The following VGF variants were observed in gnomAD, a reference collection of about 807,000 sequenced individuals.
The protein encoded by VGF is neurosecretory protein VGF.
In VGF, 13 loss-of-function variants were observed where a neutral mutation model predicts 41.1. The observed-to-expected ratio is 0.32, with a 90% CI of 0.21 to 0.50. The LOEUF (loss-of-function observed/expected upper bound fraction) is 0.50. Among genes scored for constraint, VGF ranks in the 20% least tolerant of loss-of-function variants. VGF has a pLI of 0.98. For missense variants in VGF, 920 were observed against 882.1 expected (o/e 1.04, Z -0.54); for synonymous variants, 473 against 418.3 (o/e 1.13, Z -1.60).
At chr7:101,164,917 T>C in intron 1 of VGF, 54 bp from the exon 2 acceptor site, 1 of 1,461,928 alleles carries the variant, frequency 6.8e-7, no homozygotes, top group South Asian at 1.5e-5. Context: ...TTCCCCTCTC[T>C]AGGTCTACGT....
At position 101,162,935 on chromosome 7, in the gene VGF, GA is replaced by G; in HGVS notation, c.*60del. ...ACACCGAGGGGGAGCGGGCAACACG[GA>G]GGGGGGCGCCGGCGCGCGCGCGCGG... On this transcript the variant is annotated 3_prime_UTR_variant, in exon 2 of 2. Transcript: ENST00000249330. The surrounding 1 kb of genome is among the most constrained non-coding windows in gnomAD (Gnocchi z 4.2). 1 of 822,512 alleles carries G rather than the reference GA, an allele frequency of 1.2e-6. No individual in the cohort carries two copies. Among genetic ancestry groups the G allele is most frequent in the Non-Finnish European group, 1.7e-6 (1 of 593,342 alleles). 51.0% of individuals were successfully genotyped at this position (822,512 alleles called of 1,614,324 possible). A position where few individuals can be genotyped will look rare whatever the true frequency, so the allele number is the denominator to read the frequency against.
chr7:101,163,119 G>C lies in VGF; in HGVS notation c.1725C>G (p.His575Gln). Reference protein sequence around the residue: ...HYHHALPPSRHYPGREAQARR... With the variant: ...HYHHALPPSRQYPGREAQARR... ...GCGCCTGGGCCTCCCGGCCGGGATA[G>C]TGGCGCGAAGGCGGCAAGGCGTGGT... The change falls in exon 2 of 2, where the codon CAC becomes CAG. Residue 575 changes from histidine (H) to glutamine (Q), a missense_variant. Around this residue, in one of 3 missense-constraint regions of VGF, gnomAD observed 257 missense variants for 217.2 expected, o/e 1.18. Transcript: ENST00000249330. This position sits in a 1 kb window ranked among gnomAD's most constrained non-coding sequence, Gnocchi z 5.0. 1 of 1,584,370 alleles carries C rather than the reference G, an allele frequency of 6.3e-7. No homozygotes were observed. The highest frequency in any genetic ancestry group is 1.4e-5 in the African/African-American group (1 of 71,266).
chr7:101,164,971 T>G, intron 1 of VGF, 108 bp from the exon 2 acceptor site: 1 of 1,411,866 alleles, frequency 7.1e-7, no homozygotes, highest in Non-Finnish European at 9.3e-7. Context: ...GCTTCCCTGA[T>G]CCCCCAAACC....
chr7:101,164,219 A>C lies in VGF; in HGVS notation c.625T>G (p.Ser209Ala), dbSNP rs754156177. ...SPGPERVWRASWGEFQARVPE... is the reference protein window; with the variant it reads ...SPGPERVWRAAWGEFQARVPE... Reference sequence around the variant, plus strand: ...ACACGCGCCTGGAACTCTCCCCAGGAAGCGCGCCATACGCGCTCTGGCCCC... The same window carrying C: ...ACACGCGCCTGGAACTCTCCCCAGGCAGCGCGCCATACGCGCTCTGGCCCC... The change falls in exon 2 of 2, where the codon TCC becomes GCC. Residue 209 changes from serine to alanine, a missense_variant. Coordinates refer to ENST00000249330, the MANE Select transcript of VGF (RefSeq NM_003378.4). 8 of 1,567,462 alleles carry C rather than the reference A, an allele frequency of 5.1e-6. No individual in the cohort carries two copies. In the Admixed American group the frequency reaches 1.2e-4, roughly 24 times the overall value.
In VGF at chr7:101,163,782, C is replaced by G; in HGVS notation, c.1062G>C (p.Ala354=). Residue 354 remains alanine, a synonymous_variant, in exon 2 of 2, where the codon GCG becomes GCC. Coordinates refer to ENST00000249330, the MANE Select transcript of VGF (RefSeq NM_003378.4). This position sits in a 1 kb window ranked among gnomAD's most constrained non-coding sequence, Gnocchi z 5.0. ...RGLGGRGLQE[A]AEERESAREE... is the part of the protein sequence containing the mutation. ...CCCTTGCACTCTCTCGCTCCTCCGC[C>G]GCCTCCTGCAGCCCCCGACCCCCGA... The G allele has an allele frequency of 6.5e-7, 1 of 1,531,628 alleles. No individual in the cohort carries two copies. The highest frequency in any genetic ancestry group is 1.4e-5 in the African/African-American group (1 of 73,106). 94.9% of individuals were successfully genotyped at this position (1,531,628 alleles called of 1,614,324 possible). A position where few individuals can be genotyped will look rare whatever the true frequency, so the allele number is the denominator to read the frequency against.
chr7:101,163,723 C>A lies in VGF; in HGVS notation c.1121G>T (p.Gly374Val). The A allele has an allele frequency of 6.5e-7, 1 of 1,535,510 alleles. No homozygotes were observed. Among genetic ancestry groups the A allele is most frequent in the East Asian group, 2.4e-5 (1 of 40,920 alleles). ...EEEAEQERRG[G>V]EERVGEEDEE... ...ATCCTCTTCCCCCACCCTCTCCTCC[C>A]CGCCGCGTCTCTCCTGCTCCGCCTC... is the stretch of plus-strand genomic sequence containing the variant. Residue 374 changes from glycine to valine, a missense_variant, in exon 2 of 2, where the codon GGG becomes GTG. This residue lies in a region of VGF where 654 missense variants were observed against 638.4 expected (regional missense o/e 1.02). Transcript: ENST00000249330. This position sits in a 1 kb window ranked among gnomAD's most constrained non-coding sequence, Gnocchi z 5.0.
Position 101,162,819 on chromosome 7 carries a change from C to G in VGF, c.*177G>C, listed in dbSNP as rs1344502331. The G allele has an allele frequency of 3.0e-6, 2 of 660,634 alleles. No individual in the cohort carries two copies. The highest frequency in any genetic ancestry group is 5.5e-6 in the Non-Finnish European group (2 of 360,524). The allele number at this position is 660,634 out of a possible 1,614,324, so 40.9% of individuals were successfully genotyped here. ...CACCCGCGGGTGAGCTCTGGGAGTT[C>G]GGGCTCAGGACCCGGGAGGGGGGTC... On this transcript the variant is annotated 3_prime_UTR_variant, in exon 2 of 2. Coordinates refer to ENST00000249330, the MANE Select transcript of VGF (RefSeq NM_003378.4). The surrounding 1 kb of genome is among the most constrained non-coding windows in gnomAD (Gnocchi z 4.2).
Position 101,163,608 on chromosome 7 carries a change from T to C in VGF, c.1236A>G (p.Glu412=), listed in dbSNP as rs777061682. The C allele has an allele frequency of 3.3e-5, 52 of 1,552,826 alleles. No homozygotes were observed. The highest frequency in any genetic ancestry group is 4.3e-5 in the Non-Finnish European group (50 of 1,151,148). ...ALLFAEEEDG[E]AGAEDKRSQE... is the part of the protein sequence containing the mutation. ...GGGAGCGCTTGTCCTCGGCGCCGGC[T>C]TCCCCGTCCTCCTCCTCCGCGAACA... The change falls in exon 2 of 2, where the codon GAA becomes GAG. Residue 412 remains glutamate, a synonymous_variant. Coordinates refer to ENST00000249330, the MANE Select transcript of VGF (RefSeq NM_003378.4). The surrounding 1 kb of genome is among the most constrained non-coding windows in gnomAD (Gnocchi z 5.0).
Position 101,164,483 on chromosome 7 carries a change from T to A in VGF, c.361A>T (p.Ser121Cys), listed in dbSNP as rs776367894. 1 of 1,602,046 alleles carries A rather than the reference T, an allele frequency of 6.2e-7. No homozygotes were observed. The highest frequency in any genetic ancestry group is 8.5e-7 in the Non-Finnish European group (1 of 1,178,952). Residue 121 changes from serine (S) to cysteine (C), a missense_variant, in exon 2 of 2, where the codon AGC becomes TGC. Coordinates refer to ENST00000249330, the MANE Select transcript of VGF (RefSeq NM_003378.4). ...GGCGCCGGGAGGCTGTGGGTCTGGC[T>A]GCGCACGGTCTCGGTCAGCAGAGCT... ...AEALLTETVR[S>C]QTHSLPAPES... is the part of the protein sequence containing the mutation.
upstream of VGF, among the ~76,000 whole-genome samples, chr7:101,167,386 G>T (rs56194085): frequency 0.15 from 22,514 of 151,136 alleles, 1,760 homozygotes; most frequent in South Asian, 0.18. This position sits in a 1 kb window ranked among gnomAD's most constrained non-coding sequence, Gnocchi z 4.2. Context: ...TCCAAAGAAA[G>T]GAGGGAAAAG....
chr7:101,166,164 G>A (rs1314779101), upstream of VGF, among the ~76,000 whole-genome samples: 1 of 152,222 alleles, frequency 6.6e-6, no homozygotes, highest in East Asian at 1.9e-4. Context: ...GCCTGCGGGC[G>A]CTGTCCGCGA....
upstream of VGF, among the ~76,000 whole-genome samples, chr7:101,166,783 G>C (rs1414911839): frequency 8.3e-6 from 1 of 120,892 alleles, no homozygotes; most frequent in Admixed American, 8.5e-5. Flanking sequence ...GGGTGGGGGG[G>C]AGGACGGAAA....
rs1318021589 is a variant in VGF at position 101,162,964 on chromosome 7, G to C, written c.*32C>G. The C allele has an allele frequency of 8.5e-7, 1 of 1,170,154 alleles. No individual in the cohort carries two copies. The highest frequency in any genetic ancestry group is 1.1e-6 in the Non-Finnish European group (1 of 907,378). 72.5% of individuals were successfully genotyped at this position (1,170,154 alleles called of 1,614,324 possible). On this transcript the variant is annotated 3_prime_UTR_variant, in exon 2 of 2. Transcript: ENST00000249330. The surrounding 1 kb of genome is among the most constrained non-coding windows in gnomAD (Gnocchi z 4.2). ...GGGGCGCCGGCGCGCGCGCGCGGCG[G>C]GGGCGCGCGGGGGCGGGACCGGGAA...
chr7:101,166,407 G>C (rs1409285703), upstream of VGF, among the ~76,000 whole-genome samples: 1 of 151,858 alleles, frequency 6.6e-6, no homozygotes, highest in Non-Finnish European at 1.5e-5. Flanking sequence ...TGCCCCCTTC[G>C]GCCCATCTCT....
chr7:101,163,056 CCGG>C lies in VGF; in HGVS notation c.1785_1787del (p.Arg596del). On this transcript the variant is annotated inframe_deletion, in exon 2 of 2. Coordinates refer to ENST00000249330, the MANE Select transcript of VGF (RefSeq NM_003378.4). This position sits in a 1 kb window ranked among gnomAD's most constrained non-coding sequence, Gnocchi z 5.0. ...TCTCCAGCTCCTCCTGCTCCTGCAG[CCGG>C]CGCTCCTCCGCCTCCGCCTCCTCCT... is the stretch of plus-strand genomic sequence containing the variant. 6.4e-7 allele frequency: 1 copy of C among 1,571,818 alleles called. No individual in the cohort carries two copies. The highest frequency in any genetic ancestry group is 8.6e-7 in the Non-Finnish European group (1 of 1,163,790).
At position 101,164,878 on chromosome 7, in the gene VGF, G is replaced by A. The variant is rs977541687; in HGVS notation, c.-20-15C>T. ...GCTGCCGGAGACTGAAAAATAGAAGGGACCAAAAAAAGAGGATTTCTGTAA... is the reference window on the plus strand; with the variant it reads ...GCTGCCGGAGACTGAAAAATAGAAGAGACCAAAAAAAGAGGATTTCTGTAA... On this transcript the variant is annotated splice_polypyrimidine_tract_variant and intron_variant, in intron 1 of 1. Transcript: ENST00000249330. The A allele has an allele frequency of 6.6e-7, 1 of 1,516,286 alleles. No homozygotes were observed. Among genetic ancestry groups the A allele is most frequent in the Admixed American group, 2.3e-5 (1 of 44,382 alleles). 93.9% of individuals were successfully genotyped at this position (1,516,286 alleles called of 1,614,324 possible). A position where few individuals can be genotyped will look rare whatever the true frequency, so the allele number is the denominator to read the frequency against.
Position 101,165,503 on chromosome 7 carries a change from C to T in VGF, c.-150G>A, listed in dbSNP as rs1234127820. 2.0e-6 allele frequency: 2 copies of T among 985,346 alleles called. No homozygotes were observed. Among genetic ancestry groups the T allele is most frequent in the African/African-American group, 1.7e-5 (1 of 57,244 alleles). 61.0% of individuals were successfully genotyped at this position (985,346 alleles called of 1,614,324 possible). A position where few individuals can be genotyped will look rare whatever the true frequency, so the allele number is the denominator to read the frequency against. On this transcript the variant is annotated 5_prime_UTR_variant, in exon 1 of 2. Coordinates refer to ENST00000249330, the MANE Select transcript of VGF (RefSeq NM_003378.4). ...GGAGCGACGGTCGAGGTCTGGCGTCCCGTGGGCTGGGCTCAGCTGGGTCGG... is the reference window on the plus strand; with the variant it reads ...GGAGCGACGGTCGAGGTCTGGCGTCTCGTGGGCTGGGCTCAGCTGGGTCGG...
chr7:101,164,525 C>G lies in VGF; in HGVS notation c.319G>C (p.Glu107Gln), dbSNP rs34680114. 1.8e-3 allele frequency: 2,833 copies of G among 1,599,190 alleles called. 32 individuals carry two copies. The African/African-American group carries it at 0.031, about 17-fold the overall frequency. Residue 107 changes from glutamate (E) to glutamine (Q), a missense_variant, in exon 2 of 2, where the codon GAG becomes CAG. Around this residue, in one of 3 missense-constraint regions of VGF, gnomAD observed 654 missense variants for 638.4 expected, o/e 1.02. Coordinates refer to ENST00000249330, the MANE Select transcript of VGF (RefSeq NM_003378.4). ...AGCAGAGCTTCAGCTGCTTCTTCCT[C>G]CGGCCCCTGCTGGGAGCCGCTTGGT... ...PAPSGSQQGP[E>Q]EEAAEALLTE...
Position 101,164,129 on chromosome 7 carries a change from C to G in VGF, c.715G>C (p.Gly239Arg). Residue 239 changes from glycine (G) to arginine (R), a missense_variant, in exon 2 of 2, where the codon GGG becomes CGG. By Grantham distance (125) the Gly-to-Arg change is moderately radical (BLOSUM62 -2). This residue lies in a region of VGF where 654 missense variants were observed against 638.4 expected (regional missense o/e 1.02). Coordinates refer to ENST00000249330, the MANE Select transcript of VGF (RefSeq NM_003378.4). ...SQFQARMPDS[G>R]PLPETHKFGE... is the part of the protein sequence containing the mutation. ...AACTTGTGGGTTTCGGGAAGGGGCCCGCTGTCGGGCATACGCGCCTGGAAT... is the reference window on the plus strand; with the variant it reads ...AACTTGTGGGTTTCGGGAAGGGGCCGGCTGTCGGGCATACGCGCCTGGAAT... 1.3e-6 allele frequency: 2 copies of G among 1,502,568 alleles called. No homozygotes were observed. Among genetic ancestry groups the G allele is most frequent in the South Asian group, 1.3e-5 (1 of 75,356 alleles). 93.1% of individuals were successfully genotyped at this position (1,502,568 alleles called of 1,614,324 possible). A position where few individuals can be genotyped will look rare whatever the true frequency, so the allele number is the denominator to read the frequency against.
Sources: allele counts gnomAD v4.1 joint callset (sites outside exome capture counted in the v4.1 genomes callset), GRCh38; gene constraint gnomAD v4.1.1; regional missense constraint gnomAD v4.1.1; non-coding constraint Gnocchi (gnomAD v3.1); transcripts MANE v1.5; gene names NCBI Gene and HGNC (gene_info 2026-07-23, HGNC 2026-07-21).